The following ITCH variants were observed in gnomAD, a reference collection of about 807,000 sequenced individuals.
The protein encoded by ITCH is E3 ubiquitin-protein ligase Itchy homolog.
In ITCH, 28 loss-of-function variants were observed where a neutral mutation model predicts 126.8. The observed-to-expected ratio is 0.22, with a 90% CI of 0.16 to 0.30. The LOEUF (loss-of-function observed/expected upper bound fraction) is 0.30, where lower values mean the gene tolerates loss of function less well. ITCH is among the 10% of genes least tolerant of loss of function. ITCH has a pLI of 1.00. For synonymous variants in ITCH, 342 were observed against 340.0 expected (o/e 1.01, Z -0.06); for missense variants, 631 against 1,032.4 (o/e 0.61, Z 5.33).
At chr20:34,390,853 G>A (rs2038464889) in intron 2 of ITCH, among the ~76,000 whole-genome samples, 1 of 151,926 alleles carries the variant, frequency 6.6e-6, no homozygotes, top group Non-Finnish European at 1.5e-5. Flanking sequence ...CCGGGTTCAA[G>A]CGATTCTCCT....
At chr20:34,471,154 CTGGATTAACTG>C (rs1168591159) in intron 15 of ITCH, among the ~76,000 whole-genome samples, 2 of 152,074 alleles carry the variant, frequency 1.3e-5, no homozygotes, top group Non-Finnish European at 1.5e-5. Flanking sequence ...CAAGAAGAAT[CTGGATTAACTG>C]TTGGAAAATA....
At chr20:34,389,126 C>A (rs1460933792) in intron 2 of ITCH, among the ~76,000 whole-genome samples, 1 of 152,022 alleles carries the variant, frequency 6.6e-6, no homozygotes, top group Admixed American at 6.6e-5. Flanking sequence ...GGTTTCACAT[C>A]CCATGAGTAC....
intron 8 of ITCH, among the ~76,000 whole-genome samples, chr20:34,438,839 A>C (rs918052248): frequency 6.6e-6 from 1 of 152,198 alleles, no homozygotes; most frequent in African/African-American, 2.4e-5. Flanking sequence ...GCAGTGCTCT[A>C]CTGAGAATGA....
intron 20 of ITCH, among the ~76,000 whole-genome samples, chr20:34,485,859 T>G (rs1413933975): frequency 2.0e-5 from 3 of 152,162 alleles, no homozygotes; most frequent in Non-Finnish European, 2.9e-5. Flanking sequence ...ATTTTTTGGT[T>G]GTTTTTATTT....
intron 23 of ITCH, among the ~76,000 whole-genome samples, chr20:34,502,403 A>G (rs1346479437): frequency 6.6e-6 from 1 of 152,010 alleles, no homozygotes; most frequent in Non-Finnish European, 1.5e-5. Flanking sequence ...CTTAAAAAAA[A>G]AAAAAATTTA....
intron 1 of ITCH, among the ~76,000 whole-genome samples, chr20:34,368,346 TC>T (rs1291921694): frequency 1.3e-5 from 2 of 152,140 alleles, no homozygotes; most frequent in East Asian, 3.9e-4. Flanking sequence ...CCACTTTCTT[TC>T]TTGTTGCCTA....
intron 20 of ITCH, among the ~76,000 whole-genome samples, chr20:34,488,867 A>G (rs979966183): frequency 1.3e-5 from 2 of 152,098 alleles, no homozygotes; most frequent in African/African-American, 4.8e-5. Context: ...GAGAGACACC[A>G]TCTCTACATA....
intron 17 of ITCH, among the ~76,000 whole-genome samples, chr20:34,478,656 GT>G (rs1250323637): frequency 6.6e-6 from 1 of 152,136 alleles, no homozygotes; most frequent in Non-Finnish European, 1.5e-5. Flanking sequence ...TAGAAATATT[GT>G]TTATTAATGA....
At chr20:34,385,748 T>C (rs1279898748) in intron 2 of ITCH, among the ~76,000 whole-genome samples, 1 of 152,212 alleles carries the variant, frequency 6.6e-6, no homozygotes, top group Non-Finnish European at 1.5e-5. Flanking sequence ...AATTGTCCTT[T>C]TTTGCATATG....
intron 14 of ITCH, among the ~76,000 whole-genome samples, chr20:34,466,585 G>T (rs1215104278): frequency 6.6e-6 from 1 of 151,852 alleles, no homozygotes; most frequent in Non-Finnish European, 1.5e-5. Context: ...AATAAGTTTG[G>T]GTGCATATAA....
chr20:34,495,097 CAAAAAAA>C (rs71194611), intron 23 of ITCH, among the ~76,000 whole-genome samples: 1 of 110,382 alleles, frequency 9.1e-6, no homozygotes, highest in Non-Finnish European at 1.8e-5. Flanking sequence ...ACGAAAAATA[CAAAAAAA>C]AAAAAAAAAA....
intron 10 of ITCH, among the ~76,000 whole-genome samples, chr20:34,442,817 C>CA (rs1055049606): frequency 1.4e-3 from 188 of 132,518 alleles, no homozygotes; most frequent in East Asian, 4.7e-3. Flanking sequence ...ACTAAAAATA[C>CA]AAAAAAAAAA....
chr20:34,477,954 T>G, intron 17 of ITCH, 94 bp downstream of exon 17: 2 of 1,527,862 alleles, frequency 1.3e-6, no homozygotes, highest in Non-Finnish European at 1.8e-6. Flanking sequence ...ATCTTATATT[T>G]TAGGAAAATG....
chr20:34,495,191 G>T (rs1163209744), intron 23 of ITCH, among the ~76,000 whole-genome samples: 2 of 150,742 alleles, frequency 1.3e-5, no homozygotes, highest in Non-Finnish European at 3.0e-5. Flanking sequence ...CTTGAACCTG[G>T]GAGGCAGAGG....
chr20:34,429,598 A>G (rs1305633370), intron 7 of ITCH, among the ~76,000 whole-genome samples: 1 of 152,174 alleles, frequency 6.6e-6, no homozygotes, highest in East Asian at 1.9e-4. Context: ...TATTCTGGGA[A>G]ATAATAACAG....
intron 3 of ITCH, among the ~76,000 whole-genome samples, chr20:34,401,242 A>G (rs551681099): frequency 1.2e-4 from 19 of 152,176 alleles, no homozygotes; most frequent in African/African-American, 4.6e-4. Context: ...ATGCCTATAT[A>G]TAACCTCAGC....
intron 22 of ITCH, 25 bp from the exon 23 acceptor site, chr20:34,492,476 A>G (rs779341925): frequency 8.0e-7 from 1 of 1,250,096 alleles, no homozygotes; most frequent in Non-Finnish European, 1.2e-6. Context: ...TGACATATAT[A>G]TCTCTTTAAA....
intron 17 of ITCH, among the ~76,000 whole-genome samples, chr20:34,478,434 GT>G (rs1988429149): frequency 6.6e-6 from 1 of 152,198 alleles, no homozygotes; most frequent in African/African-American, 2.4e-5. Flanking sequence ...CTAGAAGATA[GT>G]CTCTAATGAG....
intron 6 of ITCH, among the ~76,000 whole-genome samples, chr20:34,423,285 A>G (rs1981042798): frequency 6.6e-6 from 1 of 152,134 alleles, no homozygotes; most frequent in South Asian, 2.1e-4. Flanking sequence ...TATAGACAAC[A>G]TTTTATTCAC....
Sources: gnomAD v4.1 joint callset for allele counts (sites outside exome capture counted in the v4.1 genomes callset) on GRCh38, gnomAD v4.1.1 for gene constraint, MANE v1.5 for transcripts, NCBI Gene and HGNC (gene_info 2026-07-23, HGNC 2026-07-21) for gene names.